REEP1: variants seen among roughly 807,000 people sequenced by gnomAD.
The protein encoded by REEP1 is receptor accessory protein 1.
A neutral mutation model predicts 40.3 loss-of-function variants in REEP1; 22 were observed. The ratio of observed to expected loss-of-function variants is 0.55; its 90% confidence interval spans 0.39 to 0.78. The LOEUF (loss-of-function observed/expected upper bound fraction) is 0.78. Among genes scored for constraint, REEP1 ranks in the 30% least tolerant of loss-of-function variants. REEP1 has a pLI of 0.00. For missense variants in REEP1, 280 were observed against 361.1 expected (o/e 0.78, Z 1.82); for synonymous variants, 116 against 139.2 (o/e 0.83, Z 1.17).
At position 86,217,113 on chromosome 2, in the gene REEP1, G is replaced by A. The variant is rs1674154547; in HGVS notation, c.784-3C>T. 2 of 1,613,456 alleles carry A rather than the reference G, an allele frequency of 1.2e-6. No homozygotes were observed. The highest frequency in any genetic ancestry group is 2.2e-5 in the South Asian group (2 of 91,056). ...GATCGAAGGATTCTAGGCGGTGCCT[G>A]GTAGAGAAAACAGAAAGGTGTCCCT... is the stretch of plus-strand genomic sequence containing the variant. On this transcript the variant is annotated splice_region_variant and splice_polypyrimidine_tract_variant and intron_variant, in intron 8 of 8. Coordinates refer to ENST00000538924, the MANE Select transcript of REEP1 (RefSeq NM_001371279.1).
chr2:86,265,675 T>C (rs1677093492), intron 2 of REEP1, among the ~76,000 whole-genome samples: 1 of 152,124 alleles, frequency 6.6e-6, no homozygotes, highest in African/African-American at 2.4e-5. Context: ...ATAAGTAGAA[T>C]AACTCAGAAA....
intron 1 of REEP1, among the ~76,000 whole-genome samples, chr2:86,302,625 A>G (rs34048420): frequency 0.34 from 51,951 of 152,022 alleles, 9,825 homozygotes; most frequent in Middle Eastern, 0.44. Context: ...ATCCAACAAT[A>G]AAGAAAGAAT....
intron 1 of REEP1, among the ~76,000 whole-genome samples, chr2:86,290,043 C>T (rs770619068): frequency 2.0e-5 from 3 of 152,160 alleles, no homozygotes; most frequent in Non-Finnish European, 4.4e-5. Context: ...GTCACCCAGG[C>T]TGGAGTGCAG....
intron 6 of REEP1, among the ~76,000 whole-genome samples, chr2:86,231,251 G>A (rs1246793925): frequency 1.3e-5 from 2 of 152,162 alleles, no homozygotes; most frequent in Admixed American, 1.3e-4. Context: ...GTCCCTCGGG[G>A]GGTAACCCCT....
At chr2:86,226,075 T>TCACCACCACCCC (rs1674666046) in intron 7 of REEP1, among the ~76,000 whole-genome samples, 2 of 111,792 alleles carry the variant, frequency 1.8e-5, no homozygotes, top group Non-Finnish European at 3.8e-5. Context: ...CTCCAGGCTA[T>TCACCACCACCCC]CACCACCACC....
At chr2:86,282,579 C>T (rs947867609) in intron 1 of REEP1, among the ~76,000 whole-genome samples, 2 of 151,942 alleles carry the variant, frequency 1.3e-5, no homozygotes, top group African/African-American at 2.4e-5. Flanking sequence ...GCTAACCCCC[C>T]TCTGAAGCTC....
At chr2:86,324,340 C>T (rs1411915453) in intron 1 of REEP1, among the ~76,000 whole-genome samples, 1 of 152,144 alleles carries the variant, frequency 6.6e-6, no homozygotes, top group African/African-American at 2.4e-5. Context: ...AAGACTTGAG[C>T]AGGCGCTTCA....
At chr2:86,275,945 T>C (rs114859200) in intron 2 of REEP1, among the ~76,000 whole-genome samples, 145 of 152,298 alleles carry the variant, frequency 9.5e-4, no homozygotes, top group African/African-American at 3.4e-3. Context: ...GCCCAGAGAA[T>C]GAATACATTG....
At chr2:86,233,497 G>A (rs1334484290) in intron 5 of REEP1, among the ~76,000 whole-genome samples, 1 of 152,100 alleles carries the variant, frequency 6.6e-6, no homozygotes, top group Non-Finnish European at 1.5e-5. Flanking sequence ...AATTAATCTC[G>A]GGGGGAATTG....
At chr2:86,264,132 G>A (rs960672792) in intron 2 of REEP1, 91 bp from the exon 3 acceptor site, 50 of 913,274 alleles carry the variant, frequency 5.5e-5, no homozygotes, top group African/African-American at 2.1e-4. Flanking sequence ...CGGCAGATAC[G>A]GAGGCACGTC....
At chr2:86,265,524 T>G (rs1677085172) in intron 2 of REEP1, among the ~76,000 whole-genome samples, 1 of 152,130 alleles carries the variant, frequency 6.6e-6, no homozygotes, top group African/African-American at 2.4e-5. Context: ...ATCTACAACC[T>G]AAGTCTATCA....
chr2:86,244,397 A>C (rs1003707327), intron 5 of REEP1, among the ~76,000 whole-genome samples: 6 of 151,706 alleles, frequency 4.0e-5, no homozygotes, highest in African/African-American at 1.5e-4. Flanking sequence ...TTTAAGTAGA[A>C]AAACAAAATA....
chr2:86,319,645 A>G (rs760407726), intron 1 of REEP1, among the ~76,000 whole-genome samples: 1 of 152,182 alleles, frequency 6.6e-6, no homozygotes, highest in Admixed American at 6.5e-5. Context: ...CAGTGAGCCA[A>G]GGTTCTGCCA....
intron 1 of REEP1, among the ~76,000 whole-genome samples, chr2:86,331,839 T>C (rs969826738): frequency 6.6e-6 from 1 of 152,144 alleles, no homozygotes; most frequent in Non-Finnish European, 1.5e-5. Flanking sequence ...ATGTGCCCCA[T>C]TGCCATCTTC....
chr2:86,245,451 C>T (rs1467335084), intron 5 of REEP1, among the ~76,000 whole-genome samples: 4 of 152,188 alleles, frequency 2.6e-5, no homozygotes, highest in Non-Finnish European at 5.9e-5. Flanking sequence ...AGCTACTCTC[C>T]GATAAGTTAA....
At chr2:86,261,001 T>C (rs369162855) in intron 3 of REEP1, among the ~76,000 whole-genome samples, 6 of 152,202 alleles carry the variant, frequency 3.9e-5, no homozygotes, top group African/African-American at 1.2e-4. Context: ...ACTTACTAGA[T>C]ATGAAACTCT....
intron 6 of REEP1, among the ~76,000 whole-genome samples, chr2:86,230,448 T>C (rs1030517234): frequency 1.1e-4 from 17 of 152,344 alleles, no homozygotes; most frequent in Admixed American, 7.2e-4. Flanking sequence ...CACAGACTCT[T>C]AGAGGCAAAG....
At chr2:86,232,877 G>C in intron 5 of REEP1, 75 bp from the exon 6 acceptor site, 2 of 1,426,216 alleles carry the variant, frequency 1.4e-6, no homozygotes, top group Non-Finnish European at 1.9e-6. Context: ...CCAAGAGGGA[G>C]CTCTGATGGT....
At chr2:86,249,965 C>T (rs752905626) in intron 5 of REEP1, among the ~76,000 whole-genome samples, 3 of 152,238 alleles carry the variant, frequency 2.0e-5, no homozygotes, top group Non-Finnish European at 2.9e-5. Context: ...TCCCTCACTA[C>T]GTTAGTCCAG....
Sources: gnomAD v4.1 joint callset for allele counts (sites outside exome capture counted in the v4.1 genomes callset) on GRCh38, gnomAD v4.1.1 for gene constraint, MANE v1.5 for transcripts, NCBI Gene and HGNC (gene_info 2026-07-23, HGNC 2026-07-21) for gene names.